The following HYDIN variants were observed in gnomAD, a reference collection of about 807,000 sequenced individuals.
The protein encoded by HYDIN is HYDIN axonemal central pair apparatus protein.
Under a neutral mutation model 403.9 loss-of-function variants are expected in HYDIN, and 132 were observed. The observed-to-expected ratio is 0.33, with a 90% CI of 0.28 to 0.38. The LOEUF is 0.38. Ranked by LOEUF, HYDIN falls within the 10% of genes least tolerant of loss-of-function variation. The pLI is 1.00. For synonymous variants in HYDIN, 1,202 were observed against 1,891.7 expected (o/e 0.64, Z 9.46); for missense variants, 2,827 against 5,009.5 (o/e 0.56, Z 13.15).
chr16:71,116,211 C>A (rs568868680), intron 9 of HYDIN, among the ~76,000 whole-genome samples: 1 of 143,432 alleles, frequency 7.0e-6, no homozygotes, highest in Non-Finnish European at 1.5e-5. Flanking sequence ...TCTTACCAAA[C>A]TGTTTCTATG....
chr16:71,229,068 A>T (rs2041165188), intron 1 of HYDIN, among the ~76,000 whole-genome samples: 1 of 148,734 alleles, frequency 6.7e-6, no homozygotes, highest in Non-Finnish European at 1.5e-5. Context: ...AAAAAACCAA[A>T]CACCGCATGT....
intron 23 of HYDIN, among the ~76,000 whole-genome samples, chr16:71,011,631 T>C (rs6499378): frequency 5.3e-5 from 8 of 151,904 alleles, no homozygotes; most frequent in African/African-American, 1.7e-4. Flanking sequence ...CCAGCTACAG[T>C]AGTCCTTGGC....
intron 11 of HYDIN, among the ~76,000 whole-genome samples, chr16:71,089,197 A>G (rs2083027907): frequency 6.6e-6 from 1 of 151,964 alleles, no homozygotes; most frequent in Non-Finnish European, 1.5e-5. Flanking sequence ...GTGGTTGCAC[A>G]CTGGGTTTAG....
At chr16:71,202,234 G>T (rs546044100) in intron 1 of HYDIN, among the ~76,000 whole-genome samples, 1 of 152,102 alleles carries the variant, frequency 6.6e-6, no homozygotes, top group Non-Finnish European at 1.5e-5. Flanking sequence ...ATGTGCATGT[G>T]TATACACACC....
At chr16:70,946,682 C>A (rs1400996255) in intron 41 of HYDIN, among the ~76,000 whole-genome samples, 1 of 152,024 alleles carries the variant, frequency 6.6e-6, no homozygotes, top group Non-Finnish European at 1.5e-5. Context: ...AGGTGCTTAC[C>A]AGAGTTAGTC....
intron 5 of HYDIN, among the ~76,000 whole-genome samples, chr16:71,173,589 C>G (rs568156158): frequency 6.6e-6 from 1 of 152,272 alleles, no homozygotes; most frequent in Admixed American, 6.5e-5. Flanking sequence ...TGACAAACCC[C>G]CAATGTACCC....
At chr16:70,872,370 C>A (rs2040165544) in intron 64 of HYDIN, among the ~76,000 whole-genome samples, 191 bp from the exon 65 acceptor site, 1 of 127,398 alleles carries the variant, frequency 7.8e-6, no homozygotes, top group Non-Finnish European at 1.6e-5. Flanking sequence ...ATCCATCCAT[C>A]TATCCATCCA....
rs534522915 is a variant in HYDIN at position 70,830,443 on chromosome 16, G to A, written c.13900-613C>T. ...CACGCAGGGTCTTGGAGTCATGGTAGACACTTTTTTTTTTTTTTTTTAGTT... is the reference window on the plus strand; with the variant it reads ...CACGCAGGGTCTTGGAGTCATGGTAAACACTTTTTTTTTTTTTTTTTAGTT... On this transcript the variant is annotated intron_variant, in intron 80 of 85. Coordinates refer to ENST00000393567, the MANE Select transcript of HYDIN (RefSeq NM_001270974.2). Among the ~76,000 whole-genome samples, 47 of 141,798 alleles carry A rather than the reference G, an allele frequency of 3.3e-4. 2 individuals are homozygous for A. The highest frequency in any genetic ancestry group is 3.5e-3 in the Middle Eastern group (1 of 286). The allele number at this position is 141,798 out of a possible 152,430, so 93.0% of individuals were successfully genotyped here. A position where few individuals can be genotyped will look rare whatever the true frequency, so the allele number is the denominator to read the frequency against.
intron 1 of HYDIN, among the ~76,000 whole-genome samples, chr16:71,205,462 A>C (rs1407937162): frequency 1.3e-5 from 2 of 152,184 alleles, no homozygotes; most frequent in African/African-American, 4.8e-5. Context: ...ACACTTATAG[A>C]ATGAGGCAGA....
chr16:71,156,217 C>T (rs1190348131), intron 6 of HYDIN, among the ~76,000 whole-genome samples: 179 of 152,136 alleles, frequency 1.2e-3, no homozygotes, highest in African/African-American at 3.8e-3. Context: ...CCAAGTTCCA[C>T]GGAGTGGTAA....
At chr16:70,973,143 C>G (rs1504904) in intron 35 of HYDIN, among the ~76,000 whole-genome samples, 200 bp downstream of exon 35, 1 of 147,952 alleles carries the variant, frequency 6.8e-6, no homozygotes, top group Non-Finnish European at 1.5e-5. Context: ...CTGATAAAAA[C>G]TGATGTGTTA....
At chr16:71,170,898 C>A (rs1188681944) in intron 5 of HYDIN, among the ~76,000 whole-genome samples, 1 of 152,102 alleles carries the variant, frequency 6.6e-6, no homozygotes, top group Non-Finnish European at 1.5e-5. Context: ...TGGTCATGCG[C>A]TGAGATTTGA....
At chr16:71,082,913 T>C (rs2082826659) in intron 12 of HYDIN, among the ~76,000 whole-genome samples, 1 of 151,252 alleles carries the variant, frequency 6.6e-6, no homozygotes, top group South Asian at 2.1e-4. Flanking sequence ...GTTTTTTGTA[T>C]ATTCACAAAT....
chr16:70,992,296 G>A, intron 23 of HYDIN, 86 bp from the exon 24 acceptor site: 1 of 1,486,518 alleles, frequency 6.7e-7, no homozygotes, highest in Non-Finnish European at 8.9e-7. Context: ...CAGTTTCTAA[G>A]GCCAAACTCC....
chr16:70,924,003 T>G (rs2077080036), intron 45 of HYDIN, among the ~76,000 whole-genome samples: 1 of 151,830 alleles, frequency 6.6e-6, no homozygotes, highest in African/African-American at 2.4e-5. Context: ...CGAGAGGACA[T>G]AATAGAAATA....
At position 70,871,054 on chromosome 16, in the gene HYDIN, G is replaced by T. The variant is rs1460781826; in HGVS notation, c.11091+983C>A. Among the ~76,000 whole-genome samples, 3 of 152,016 alleles carry T rather than the reference G, an allele frequency of 2.0e-5. No individual in the cohort carries two copies. In the East Asian group the frequency reaches 5.8e-4, roughly 29 times the overall value. On this transcript the variant is annotated intron_variant, in intron 65 of 85. Transcript: ENST00000393567. ...AACAAACAAACAAAAACAAAAAAAA[G>T]TAGTATCTGCCTTATAGCATTGTTC...
At chr16:71,061,606 C>T (rs2082082033) in intron 17 of HYDIN, among the ~76,000 whole-genome samples, 1 of 151,950 alleles carries the variant, frequency 6.6e-6, no homozygotes, top group South Asian at 2.1e-4. Context: ...AGGCTGATGG[C>T]ACATTAGCTT....
intron 18 of HYDIN, among the ~76,000 whole-genome samples, chr16:71,047,241 A>T (rs1284913417): frequency 6.6e-6 from 1 of 152,014 alleles, no homozygotes; most frequent in East Asian, 1.9e-4. Flanking sequence ...GCTTCATATT[A>T]TTCTCAGATG....
Position 70,863,102 on chromosome 16 carries a change from G to A in HYDIN, c.11552C>T (p.Ala3851Val). ...SEDTSKAVSF[A>V]KPDHQGSAQK... is the part of the protein sequence containing the mutation. ...GAATTTACCTTGGTGATCTGGTTTT[G>A]CAAAGCTGACTGCCTTTGAGGTATC... The change falls in exon 68 of 86, where the codon GCA becomes GTA. Residue 3851 changes from alanine (A) to valine (V), a missense_variant. Coordinates refer to ENST00000393567, the MANE Select transcript of HYDIN (RefSeq NM_001270974.2). 1 of 1,613,994 alleles carries A rather than the reference G, an allele frequency of 6.2e-7. No individual in the cohort carries two copies. The highest frequency in any genetic ancestry group is 1.1e-5 in the South Asian group (1 of 91,050).
Sources: allele counts gnomAD v4.1 joint callset (sites outside exome capture counted in the v4.1 genomes callset), GRCh38; gene constraint gnomAD v4.1.1; transcripts MANE v1.5; gene names NCBI Gene and HGNC (gene_info 2026-07-23, HGNC 2026-07-21).